RC3H2: variants seen among roughly 807,000 people sequenced by gnomAD.
RC3H2 encodes the protein ring finger and CCCH-type domains 2.
In RC3H2, 31 loss-of-function variants were observed where a neutral mutation model predicts 133.3. The observed-to-expected ratio is 0.23, with a 90% CI of 0.17 to 0.31. RC3H2 has a LOEUF of 0.31. RC3H2 is among the 10% of genes least tolerant of loss of function. The pLI is 1.00. For missense variants in RC3H2, 1,175 were observed against 1,437.2 expected (o/e 0.82, Z 2.95); for synonymous variants, 517 against 502.2 (o/e 1.03, Z -0.40).
At chr9:122,886,621 C>T (rs1391858179) in intron 4 of RC3H2, among the ~76,000 whole-genome samples, 3 of 152,184 alleles carry the variant, frequency 2.0e-5, no homozygotes, top group Non-Finnish European at 4.4e-5. Context: ...GCCAGAAGTT[C>T]CGAAGTTACA....
intron 1 of RC3H2, chr9:122,898,260 A>G (rs2131506278): frequency 6.6e-6 from 1 of 152,336 alleles, no homozygotes; most frequent in South Asian, 2.1e-4. Context: ...TGTCTTAAAT[A>G]TCTTGTATTG....
At chr9:122,887,213 AG>A (rs1831954683) in intron 4 of RC3H2, among the ~76,000 whole-genome samples, 1 of 152,208 alleles carries the variant, frequency 6.6e-6, no homozygotes, top group South Asian at 2.1e-4. Flanking sequence ...ATGTATTATT[AG>A]TTTGAATTCA....
chr9:122,872,095 G>A (rs1831127547), intron 9 of RC3H2, among the ~76,000 whole-genome samples: 1 of 152,120 alleles, frequency 6.6e-6, no homozygotes, highest in Non-Finnish European at 1.5e-5. Context: ...ATTATTTGTT[G>A]CATTAATATA....
intron 10 of RC3H2, 123 bp from the exon 11 acceptor site, chr9:122,860,254 A>T: frequency 2.9e-6 from 2 of 691,812 alleles, no homozygotes; most frequent in Non-Finnish European, 4.9e-6. Context: ...AGACATTGCC[A>T]CATTGACAAA....
At chr9:122,882,823 G>A (rs1035330287) in intron 5 of RC3H2, among the ~76,000 whole-genome samples, 1 of 152,158 alleles carries the variant, frequency 6.6e-6, no homozygotes, top group African/African-American at 2.4e-5. Context: ...CAGAGAATGA[G>A]ATAACAAACA....
At chr9:122,876,096 A>C (rs1280145490) in intron 9 of RC3H2, among the ~76,000 whole-genome samples, 1 of 152,164 alleles carries the variant, frequency 6.6e-6, no homozygotes, top group Non-Finnish European at 1.5e-5. Flanking sequence ...AAGAAGAATA[A>C]AGAACTGAGA....
intron 9 of RC3H2, among the ~76,000 whole-genome samples, chr9:122,867,000 C>T (rs1437214096): frequency 8.4e-5 from 11 of 131,692 alleles, no homozygotes; most frequent in African/African-American, 1.4e-4. Flanking sequence ...ATGTGGGGAG[C>T]GCCTTTGCCC....
chr9:122,861,585 G>T (rs759146649), intron 10 of RC3H2, among the ~76,000 whole-genome samples: 1 of 151,678 alleles, frequency 6.6e-6, no homozygotes, highest in Non-Finnish European at 1.5e-5. Flanking sequence ...TTTGCTGATT[G>T]TATTTGCTTG....
Position 122,859,999 on chromosome 9 carries a change from A to G in RC3H2, c.1767T>C (p.Tyr589=). 1 of 1,614,090 alleles carries G rather than the reference A, an allele frequency of 6.2e-7. No homozygotes were observed. Among genetic ancestry groups the G allele is most frequent in the Non-Finnish European group, 8.5e-7 (1 of 1,179,980 alleles). The change falls in exon 11 of 21, where the codon TAT becomes TAC. Residue 589 remains tyrosine (Y), a synonymous_variant. Transcript: ENST00000357244. The part of the protein sequence containing the change: ...SSPFLTRVPV[Y]PPHSENIQYF... ...ACTGAATGTTTTCAGAATGCGGAGG[A>G]TATACTGGTACTCTAGTTAGAAATG...
chr9:122,869,914 C>G (rs1003878664), intron 9 of RC3H2, among the ~76,000 whole-genome samples: 9 of 152,094 alleles, frequency 5.9e-5, no homozygotes, highest in African/African-American at 1.9e-4. Flanking sequence ...TTACTTCTTT[C>G]AAGAAGGGCA....
At chr9:122,879,254 C>G (rs186772366) in intron 8 of RC3H2, among the ~76,000 whole-genome samples, 4 of 151,562 alleles carry the variant, frequency 2.6e-5, no homozygotes, top group Non-Finnish European at 5.9e-5. Flanking sequence ...ATTAGCAGGG[C>G]GTGGTGGCAC....
Position 122,890,346 on chromosome 9 carries a change from A to C in RC3H2, c.549T>G (p.Ala183=). Residue 183 remains alanine (A), a synonymous_variant, in exon 4 of 21, where the codon GCT becomes GCG. Coordinates refer to ENST00000357244, the MANE Select transcript of RC3H2 (RefSeq NM_001100588.3). ...PQQLSANLWA[A]VRARGCQFLG... ...AAAACTGGCATCCTCGAGCCCTGAC[A>C]GCGGCCCATAGATTGGCAGACAACT... The C allele has an allele frequency of 6.2e-7, 1 of 1,614,146 alleles. No individual in the cohort carries two copies. The highest frequency in any genetic ancestry group is 8.5e-7 in the Non-Finnish European group (1 of 1,180,030).
At chr9:122,871,348 A>C (rs1272929889) in intron 9 of RC3H2, among the ~76,000 whole-genome samples, 1 of 150,856 alleles carries the variant, frequency 6.6e-6, no homozygotes, top group African/African-American at 2.4e-5. Flanking sequence ...CCCAGGCTGG[A>C]GTGCAGTGGC....
At chr9:122,897,733 A>C in intron 1 of RC3H2, 157 bp from the exon 2 acceptor site, 1 of 537,580 alleles carries the variant, frequency 1.9e-6, no homozygotes, top group South Asian at 2.5e-5. Flanking sequence ...TTGCTGAATT[A>C]ATTACATTTC....
chr9:122,852,192 C>G (rs1308336158), intron 18 of RC3H2, among the ~76,000 whole-genome samples: 1 of 151,044 alleles, frequency 6.6e-6, no homozygotes, highest in Non-Finnish European at 1.5e-5. Context: ...GGCCGCCACC[C>G]CGTCTGGGAG....
chr9:122,875,327 G>C, intron 9 of RC3H2: 1 of 1,550,646 alleles, frequency 6.4e-7, no homozygotes, highest in African/African-American at 1.4e-5. Flanking sequence ...AGCCACTGAG[G>C]AAAGGAGACA....
Position 122,877,459 on chromosome 9 carries a change from C to A in RC3H2, c.1325+12G>T. On this transcript the variant is annotated intron_variant, in intron 9 of 20. Transcript: ENST00000357244. The stretch of plus-strand genomic sequence containing the variant: ...AATTAAACCCATATGAAACAGAATT[C>A]TCAACACTTACTTTTCAAGCTCTTC... 2 of 1,602,282 alleles carry A rather than the reference C, an allele frequency of 1.2e-6. No individual in the cohort carries two copies. Among genetic ancestry groups the A allele is most frequent in the South Asian group, 2.2e-5 (2 of 90,826 alleles).
chr9:122,879,729 G>C lies in RC3H2; in HGVS notation c.1212+26C>G, dbSNP rs368619805. Reference sequence around the variant, plus strand: ...TGAAACTGAGTTAGAGACAACAGCAGTCAGAAATGTAATAAATGTACTTAC... The same window carrying C: ...TGAAACTGAGTTAGAGACAACAGCACTCAGAAATGTAATAAATGTACTTAC... On this transcript the variant is annotated intron_variant, in intron 8 of 20. Coordinates refer to ENST00000357244, the MANE Select transcript of RC3H2 (RefSeq NM_001100588.3). 6.9e-6 allele frequency: 10 copies of C among 1,458,990 alleles called. No individual in the cohort carries two copies. In the African/African-American group the frequency reaches 1.4e-4, roughly 21 times the overall value. 90.4% of individuals were successfully genotyped at this position (1,458,990 alleles called of 1,614,324 possible). A position where few individuals can be genotyped will look rare whatever the true frequency, so the allele number is the denominator to read the frequency against.
intron 20 of RC3H2, among the ~76,000 whole-genome samples, chr9:122,850,196 A>C (rs1244158901): frequency 6.6e-6 from 1 of 151,976 alleles, no homozygotes; most frequent in South Asian, 2.1e-4. Context: ...GCTGGTCTAG[A>C]ACTCCTGACC....
Sources: allele counts gnomAD v4.1 joint callset (sites outside exome capture counted in the v4.1 genomes callset), GRCh38; gene constraint gnomAD v4.1.1; transcripts MANE v1.5; gene names NCBI Gene and HGNC (gene_info 2026-07-23, HGNC 2026-07-21).